The following SORCS2 variants were observed in gnomAD, a reference collection of about 807,000 sequenced individuals.
SORCS2 encodes VPS10 domain-containing receptor SorCS2.
A neutral mutation model predicts 141.6 loss-of-function variants in SORCS2; 100 were observed. That is an observed-to-expected ratio of 0.71 (90% CI 0.60 to 0.83). The LOEUF is 0.83. Among genes scored for constraint, SORCS2 ranks in the 40% least tolerant of loss-of-function variants. The probability of loss-of-function intolerance (pLI) is 0.00; values close to 1 mark genes in which losing one functional copy is unlikely to be tolerated. For synonymous variants in SORCS2, 789 were observed against 676.9 expected (o/e 1.17, Z -2.57); for missense variants, 1,646 against 1,560.2 (o/e 1.05, Z -0.93).
intron 1 of SORCS2, among the ~76,000 whole-genome samples, chr4:7,274,444 T>C (rs1013706302): frequency 6.6e-6 from 1 of 152,154 alleles, no homozygotes; most frequent in African/African-American, 2.4e-5. Context: ...GGGCATCTGC[T>C]TGGCTTCTGG....
chr4:7,709,968 C>T (rs1318029711), intron 14 of SORCS2, among the ~76,000 whole-genome samples: 2 of 152,130 alleles, frequency 1.3e-5, no homozygotes, highest in Admixed American at 6.6e-5. Context: ...ATATCTAGAC[C>T]CCTTCGGCAC....
chr4:7,306,992 C>T (rs1362151782), intron 1 of SORCS2, among the ~76,000 whole-genome samples: 2 of 152,182 alleles, frequency 1.3e-5, no homozygotes, highest in Non-Finnish European at 2.9e-5. Context: ...TGATTCGGTG[C>T]CTGGGAGAGT....
At position 7,199,816 on chromosome 4, in the gene SORCS2, G is replaced by C. The variant is rs562103786; in HGVS notation, c.480+6690G>C. ...CCCCCTCAAGTGCTGGTCTGTTCCT[G>C]TTGCCTCTGAGGACCCCTGAGAAGC... On this transcript the variant is annotated intron_variant, in intron 1 of 26. Transcript: ENST00000507866. 2.0e-5 allele frequency among the ~76,000 whole-genome samples: 3 copies of C among 152,182 alleles called. No individual in the cohort carries two copies. The South Asian group carries it at 6.2e-4, about 32-fold the overall frequency.
intron 1 of SORCS2, among the ~76,000 whole-genome samples, chr4:7,298,246 G>A (rs561106009): frequency 4.6e-5 from 7 of 152,294 alleles, no homozygotes; most frequent in African/African-American, 1.4e-4. Context: ...GGGGACATCC[G>A]TTTGTACTCT....
intron 2 of SORCS2, among the ~76,000 whole-genome samples, chr4:7,509,921 C>G (rs1411029359): frequency 1.3e-5 from 2 of 152,168 alleles, no homozygotes; most frequent in South Asian, 2.1e-4. Context: ...TTCAGGGGCA[C>G]GAAATTACAT....
chr4:7,490,495 C>T (rs1731252754), intron 2 of SORCS2, among the ~76,000 whole-genome samples: 1 of 143,542 alleles, frequency 7.0e-6, no homozygotes, highest in African/African-American at 2.7e-5. Context: ...ACCATGCTAG[C>T]ACCCCAGAAT....
chr4:7,243,507 C>T lies in SORCS2; in HGVS notation c.480+50381C>T, dbSNP rs1488783579. On this transcript the variant is annotated intron_variant, in intron 1 of 26. Coordinates refer to ENST00000507866, the MANE Select transcript of SORCS2 (RefSeq NM_020777.3). ...AGTGAAGGCTGGAGGAGCCCGGGCTCCAGCTTCCAGAACCCTCTCCCGGCA... is the reference window on the plus strand; with the variant it reads ...AGTGAAGGCTGGAGGAGCCCGGGCTTCAGCTTCCAGAACCCTCTCCCGGCA... Among the ~76,000 whole-genome samples the T allele has an allele frequency of 2.0e-5, 3 of 152,146 alleles. No individual in the cohort carries two copies. The East Asian group carries it at 5.8e-4, about 29-fold the overall frequency.
intron 1 of SORCS2, among the ~76,000 whole-genome samples, chr4:7,335,187 C>T (rs149907342): frequency 5.1e-4 from 78 of 152,324 alleles, no homozygotes; most frequent in African/African-American, 1.8e-3. Context: ...TCGTCCGGGG[C>T]ACACGCCTAG....
At chr4:7,522,409 C>T (rs886588620) in intron 2 of SORCS2, among the ~76,000 whole-genome samples, 4 of 152,234 alleles carry the variant, frequency 2.6e-5, no homozygotes, top group East Asian at 1.9e-4. Flanking sequence ...TTTCTATTTG[C>T]CCGTTTTTAG....
intron 18 of SORCS2, among the ~76,000 whole-genome samples, chr4:7,720,739 A>T (rs1295046550): frequency 2.0e-5 from 3 of 152,220 alleles, no homozygotes; most frequent in Non-Finnish European, 2.9e-5. Flanking sequence ...AAGCACACGA[A>T]AAGATGACAA....
intron 1 of SORCS2, among the ~76,000 whole-genome samples, chr4:7,225,972 G>C (rs1728965335): frequency 6.6e-6 from 1 of 152,154 alleles, no homozygotes; most frequent in African/African-American, 2.4e-5. Flanking sequence ...TGGGTTCAAG[G>C]GGAGGCAACA....
chr4:7,384,247 C>A (rs187476978), intron 1 of SORCS2, among the ~76,000 whole-genome samples: 1 of 152,170 alleles, frequency 6.6e-6, no homozygotes, highest in African/African-American at 2.4e-5. Context: ...GCCTCAACTT[C>A]CCCCAAATGG....
chr4:7,513,855 C>A (rs1472284650), intron 2 of SORCS2, among the ~76,000 whole-genome samples: 1 of 152,194 alleles, frequency 6.6e-6, no homozygotes, highest in Admixed American at 6.5e-5. Context: ...GCCAATTTCC[C>A]CGCCTTTGGT....
chr4:7,531,734 C>T, intron 3 of SORCS2, 105 bp downstream of exon 3: 7 of 1,174,298 alleles, frequency 6.0e-6, no homozygotes, highest in Non-Finnish European at 8.6e-6. Flanking sequence ...CTACTTTGGC[C>T]CAGGCCGGAG....
chr4:7,537,593 C>T (rs1712236261), intron 3 of SORCS2, among the ~76,000 whole-genome samples: 1 of 152,118 alleles, frequency 6.6e-6, no homozygotes, highest in South Asian at 2.1e-4. Context: ...GCACTGGGTC[C>T]CTTGCTGGGC....
At chr4:7,384,438 C>A (rs999680124) in intron 1 of SORCS2, among the ~76,000 whole-genome samples, 13 of 152,152 alleles carry the variant, frequency 8.5e-5, no homozygotes, top group African/African-American at 2.9e-4. Context: ...CCACAGTGCA[C>A]CTCCACTGCA....
chr4:7,217,887 C>T (rs10937793), intron 1 of SORCS2, among the ~76,000 whole-genome samples: 47,301 of 151,974 alleles, frequency 0.31, 8,150 homozygotes, highest in Non-Finnish European at 0.39. Flanking sequence ...TTTAGGGTGG[C>T]GAGGGTCGAG....
chr4:7,482,895 C>G (rs1157541839), intron 2 of SORCS2, among the ~76,000 whole-genome samples: 78 of 152,228 alleles, frequency 5.1e-4, no homozygotes, highest in Non-Finnish European at 7.3e-5. Context: ...TGGAGAGGCT[C>G]CCTCTGAAAT....
chr4:7,418,767 A>G (rs1428649233), intron 2 of SORCS2, among the ~76,000 whole-genome samples: 2 of 147,438 alleles, frequency 1.4e-5, no homozygotes, highest in African/African-American at 4.9e-5. Flanking sequence ...GATTCTGTGA[A>G]TGGGCAATGT....
Sources: allele counts gnomAD v4.1 joint callset (sites outside exome capture counted in the v4.1 genomes callset), GRCh38; gene constraint gnomAD v4.1.1; transcripts MANE v1.5; gene names NCBI Gene and HGNC (gene_info 2026-07-23, HGNC 2026-07-21).